SPMIP2: variants seen among roughly 807,000 people sequenced by gnomAD.
SPMIP2 encodes sperm microtubule inner protein 2.
chr4:158,981,618 T>C, the SPMIP2 span, among the ~76,000 whole-genome samples: 1 of 151,972 alleles, frequency 6.6e-6, no homozygotes, highest in African/African-American at 2.4e-5. Context: ...GCTTTGTAAG[T>C]GAAGGAGAAA....
the SPMIP2 span, among the ~76,000 whole-genome samples, chr4:158,967,107 G>A: frequency 1.3e-5 from 2 of 152,112 alleles, no homozygotes; most frequent in Non-Finnish European, 2.9e-5. Context: ...TTAGGAAAAG[G>A]AAGCATCAAA....
chr4:158,963,078 A>G, the SPMIP2 span, among the ~76,000 whole-genome samples: 181 of 151,856 alleles, frequency 1.2e-3, 2 homozygotes, highest in East Asian at 0.034. Flanking sequence ...CTTTCTGGGG[A>G]GTATCTAAAT....
At chr4:158,913,107 A>G in the SPMIP2 span, among the ~76,000 whole-genome samples, 2 of 152,262 alleles carry the variant, frequency 1.3e-5, no homozygotes, top group African/African-American at 4.8e-5. Context: ...ACTCCTCCAC[A>G]TTGAAGAGGA....
the SPMIP2 span, among the ~76,000 whole-genome samples, chr4:159,070,837 G>A: frequency 1.3e-5 from 2 of 152,172 alleles, no homozygotes; most frequent in Admixed American, 1.3e-4. Flanking sequence ...ATATGTTTAT[G>A]TGGCACTTAT....
At chr4:158,916,852 C>G in the SPMIP2 span, among the ~76,000 whole-genome samples, 1 of 152,228 alleles carries the variant, frequency 6.6e-6, no homozygotes, top group African/African-American at 2.4e-5. Context: ...CCATGTCGAC[C>G]AAGCTGGTCT....
the SPMIP2 span, among the ~76,000 whole-genome samples, chr4:158,957,697 T>C: frequency 1.6e-4 from 25 of 152,274 alleles, no homozygotes; most frequent in African/African-American, 5.8e-4. Flanking sequence ...AATTCTGGGA[T>C]TACAGGCGTG....
the SPMIP2 span, among the ~76,000 whole-genome samples, chr4:159,037,969 CTCTCTCTCTCTT>C: frequency 6.6e-6 from 1 of 151,962 alleles, no homozygotes; most frequent in East Asian, 1.9e-4. Flanking sequence ...AGATATTTCT[CTCTCTCTCTCTT>C]TCTCTCTCTC....
chr4:158,958,245 C>T, the SPMIP2 span, among the ~76,000 whole-genome samples: 4 of 152,266 alleles, frequency 2.6e-5, no homozygotes, highest in East Asian at 7.7e-4. Context: ...AGCCATCCTC[C>T]CACCTCAGGC....
At chr4:159,046,609 G>T in the SPMIP2 span, among the ~76,000 whole-genome samples, 1 of 152,284 alleles carries the variant, frequency 6.6e-6, no homozygotes, top group Non-Finnish European at 1.5e-5. Context: ...GTCTTGCTCT[G>T]TTGCCCAAGC....
At chr4:159,072,950 C>G in the SPMIP2 span, among the ~76,000 whole-genome samples, 1 of 152,010 alleles carries the variant, frequency 6.6e-6, no homozygotes, top group Non-Finnish European at 1.5e-5. Context: ...TATTTCCTAT[C>G]TTTTCAAAGG....
the SPMIP2 span, among the ~76,000 whole-genome samples, chr4:158,916,125 C>T: frequency 6.6e-6 from 1 of 152,202 alleles, no homozygotes; most frequent in East Asian, 1.9e-4. Flanking sequence ...TTGCATCGCC[C>T]TTCACTCACT....
At chr4:158,981,152 G>T in the SPMIP2 span, among the ~76,000 whole-genome samples, 1 of 151,988 alleles carries the variant, frequency 6.6e-6, no homozygotes, top group Non-Finnish European at 1.5e-5. Context: ...GACAAGATTA[G>T]AGAAAAAAGA....
chr4:158,971,308 G>C, the SPMIP2 span, among the ~76,000 whole-genome samples: 1 of 152,044 alleles, frequency 6.6e-6, no homozygotes, highest in African/African-American at 2.4e-5. Flanking sequence ...GACTTTTCTT[G>C]CTGGTGGTTA....
At chr4:158,970,380 A>T in the SPMIP2 span, among the ~76,000 whole-genome samples, 6 of 152,010 alleles carry the variant, frequency 3.9e-5, no homozygotes, top group African/African-American at 1.4e-4. Flanking sequence ...CTACTAAAAA[A>T]TTTTTTTAAA....
chr4:158,898,969 G>A, the SPMIP2 span, among the ~76,000 whole-genome samples: 1 of 152,150 alleles, frequency 6.6e-6, no homozygotes, highest in African/African-American at 2.4e-5. Context: ...GTATGATATT[G>A]GCTGTGGGTT....
At chr4:159,026,587 G>C in the SPMIP2 span, 1 of 428,270 alleles carries the variant, frequency 2.3e-6, no homozygotes, top group Admixed American at 3.3e-5. Context: ...CAGTTCAATG[G>C]GCAAATCTCC....
At chr4:158,930,555 G>A in the SPMIP2 span, among the ~76,000 whole-genome samples, 1 of 151,266 alleles carries the variant, frequency 6.6e-6, no homozygotes, top group Non-Finnish European at 1.5e-5. Flanking sequence ...GTAGTGGTGG[G>A]ATCAGAGCTC....
chr4:158,919,674 G>A, the SPMIP2 span, among the ~76,000 whole-genome samples: 7 of 152,170 alleles, frequency 4.6e-5, no homozygotes, highest in African/African-American at 9.7e-5. Context: ...CATCCCATAT[G>A]AAATGTTGTA....
chr4:158,922,194 A>G, the SPMIP2 span, among the ~76,000 whole-genome samples: 2 of 151,766 alleles, frequency 1.3e-5, no homozygotes, highest in African/African-American at 4.8e-5. Flanking sequence ...AGCCTTACAT[A>G]TTTACTTTTT....
Sources: gnomAD v4.1 joint callset for allele counts (sites outside exome capture counted in the v4.1 genomes callset) on GRCh38, gnomAD v4.1.1 for gene constraint, MANE v1.5 for transcripts, NCBI Gene and HGNC (gene_info 2026-07-23, HGNC 2026-07-21) for gene names.